The following RMDN2 variants were observed in gnomAD, a reference collection of about 807,000 sequenced individuals.
The protein encoded by RMDN2 is regulator of microtubule dynamics 2.
In RMDN2, 61 loss-of-function variants were observed where a neutral mutation model predicts 52.8. The observed-to-expected ratio is 1.16, with a 90% CI of 0.94 to 1.43. The LOEUF is 1.43. RMDN2 is among the 40% of genes most tolerant of loss of function. The probability of loss-of-function intolerance (pLI) is 0.00; values close to 1 mark genes in which losing one functional copy is unlikely to be tolerated. For synonymous variants in RMDN2, 180 were observed against 153.1 expected (o/e 1.18, Z -1.30); for missense variants, 592 against 475.3 (o/e 1.25, Z -2.28).
chr2:37,977,358 A>C (rs375722126), intron 4 of RMDN2, among the ~76,000 whole-genome samples: 4 of 152,140 alleles, frequency 2.6e-5, no homozygotes, highest in South Asian at 2.1e-4. Flanking sequence ...TGTTGGGTAC[A>C]CCTCCCAGAC....
chr2:37,940,377 G>C (rs553414388), intron 2 of RMDN2, among the ~76,000 whole-genome samples: 1 of 152,022 alleles, frequency 6.6e-6, no homozygotes, highest in Non-Finnish European at 1.5e-5. Flanking sequence ...TTCCCTTCTC[G>C]AGGAGTAGCT....
chr2:38,024,145 T>G (rs191376623), intron 10 of RMDN2, among the ~76,000 whole-genome samples: 11 of 152,306 alleles, frequency 7.2e-5, no homozygotes. Context: ...CTGAGTAGTA[T>G]TTTATAACAG....
intron 10 of RMDN2, among the ~76,000 whole-genome samples, chr2:38,033,887 T>C (rs17021872): frequency 0.095 from 14,498 of 152,212 alleles, 953 homozygotes; most frequent in African/African-American, 0.18. Context: ...ACGGAATATA[T>C]CAGCATATTG....
chr2:38,042,049 C>G, intron 10 of RMDN2, among the ~76,000 whole-genome samples: 1 of 152,058 alleles, frequency 6.6e-6, no homozygotes, highest in East Asian at 1.9e-4. Context: ...CTGTCTGGTA[C>G]AATAACCAGA....
chr2:38,044,783 C>T (rs189842437), intron 10 of RMDN2, among the ~76,000 whole-genome samples: 19 of 152,064 alleles, frequency 1.2e-4, no homozygotes, highest in Non-Finnish European at 2.6e-4. Flanking sequence ...TATTACCCAC[C>T]TATTCTTGCA....
At chr2:37,953,521 GTCCT>G (rs1355889152) in intron 2 of RMDN2, among the ~76,000 whole-genome samples, 1 of 151,950 alleles carries the variant, frequency 6.6e-6, no homozygotes, top group Non-Finnish European at 1.5e-5. Flanking sequence ...ATGTCAGAAT[GTCCT>G]TCCTTTTTAA....
At chr2:38,005,066 T>C (rs1253338406) in intron 10 of RMDN2, among the ~76,000 whole-genome samples, 1 of 152,186 alleles carries the variant, frequency 6.6e-6, no homozygotes, top group Admixed American at 6.5e-5. Flanking sequence ...CCATGGTGTA[T>C]ATGTGCCACA....
At chr2:37,932,854 C>A in intron 2 of RMDN2, among the ~76,000 whole-genome samples, 1 of 125,994 alleles carries the variant, frequency 7.9e-6, no homozygotes, top group African/African-American at 3.1e-5. Flanking sequence ...GGCGGCTGGC[C>A]GGGCGGGAGG....
chr2:37,979,534 C>T (rs1208980855), intron 4 of RMDN2, among the ~76,000 whole-genome samples: 2 of 152,150 alleles, frequency 1.3e-5, no homozygotes, highest in African/African-American at 4.8e-5. Context: ...GTACAAAATT[C>T]TTTGATAAAA....
chr2:37,962,495 G>C (rs1198487276), intron 2 of RMDN2, among the ~76,000 whole-genome samples: 1 of 152,268 alleles, frequency 6.6e-6, no homozygotes, highest in Non-Finnish European at 1.5e-5. Flanking sequence ...ACACTGTGTG[G>C]GGAAAACCGC....
At chr2:38,019,482 G>A (rs1219742116), downstream of RMDN2, among the ~76,000 whole-genome samples, 1 of 152,220 alleles carries the variant, frequency 6.6e-6, no homozygotes, top group Non-Finnish European at 1.5e-5. Context: ...CAATAGAAAT[G>A]TAGTACTCTT....
At chr2:38,031,893 A>C (rs944941178) in intron 10 of RMDN2, among the ~76,000 whole-genome samples, 1 of 152,286 alleles carries the variant, frequency 6.6e-6, no homozygotes, top group Non-Finnish European at 1.5e-5. Context: ...TTTCTTGCCC[A>C]AAGAAGGAGC....
At position 37,930,943 on chromosome 2, in the gene RMDN2, C is replaced by T. The variant is rs1171736053; in HGVS notation, c.452+1214C>T. 2.6e-5 allele frequency among the ~76,000 whole-genome samples: 4 copies of T among 152,182 alleles called. No individual in the cohort carries two copies. In the East Asian group the frequency reaches 5.8e-4, roughly 22 times the overall value. On this transcript the variant is annotated intron_variant, in intron 2 of 10. Coordinates refer to ENST00000354545, the MANE Select transcript of RMDN2 (RefSeq NM_001170791.3). Reference sequence around the variant, plus strand: ...GCGCATGGGTCTGTCTCTGGCAGGGCAGAGGGCGGCAGGAGCAGACTCCCT... The same window carrying T: ...GCGCATGGGTCTGTCTCTGGCAGGGTAGAGGGCGGCAGGAGCAGACTCCCT...
At chr2:37,992,971 G>A (rs573790065) in intron 7 of RMDN2, among the ~76,000 whole-genome samples, 4 of 152,252 alleles carry the variant, frequency 2.6e-5, no homozygotes, top group African/African-American at 9.6e-5. Context: ...CTGGAGTGCA[G>A]TGGCATGATC....
At chr2:38,009,280 G>T (rs1677589120) in intron 10 of RMDN2, among the ~76,000 whole-genome samples, 1 of 152,160 alleles carries the variant, frequency 6.6e-6, no homozygotes, top group Non-Finnish European at 1.5e-5. Flanking sequence ...AGTTCTCCTG[G>T]ATGATATCCT....
intron 10 of RMDN2, among the ~76,000 whole-genome samples, chr2:38,004,646 C>T (rs1676808201): frequency 6.6e-6 from 1 of 152,074 alleles, no homozygotes; most frequent in Non-Finnish European, 1.5e-5. Context: ...CTCTTCCAGC[C>T]CCTGACAGCC....
intron 5 of RMDN2, among the ~76,000 whole-genome samples, chr2:37,985,450 G>A (rs908255837): frequency 5.9e-5 from 9 of 152,050 alleles, no homozygotes; most frequent in Admixed American, 2.0e-4. Context: ...TTGAAGTAAA[G>A]CACTGAGGCA....
intron 4 of RMDN2, among the ~76,000 whole-genome samples, chr2:37,975,649 A>G (rs1361724105): frequency 6.6e-6 from 1 of 152,192 alleles, no homozygotes; most frequent in Non-Finnish European, 1.5e-5. Context: ...TGGCACGTGT[A>G]TACCTATGAC....
At chr2:38,050,046 T>C (rs1056950241) in intron 10 of RMDN2, among the ~76,000 whole-genome samples, 5 of 152,216 alleles carry the variant, frequency 3.3e-5, no homozygotes, top group Admixed American at 3.3e-4. Context: ...GGACCTTATT[T>C]ATCTCCATTT....
Sources: allele counts gnomAD v4.1 joint callset (sites outside exome capture counted in the v4.1 genomes callset), GRCh38; gene constraint gnomAD v4.1.1; transcripts MANE v1.5; gene names NCBI Gene and HGNC (gene_info 2026-07-23, HGNC 2026-07-21).